PLCXD3: variants seen among roughly 807,000 people sequenced by gnomAD.
PLCXD3 encodes phosphatidylinositol specific phospholipase C X domain containing 3.
In PLCXD3, 19 loss-of-function variants were observed where a neutral mutation model predicts 25.5. The observed-to-expected ratio is 0.75, with a 90% CI of 0.52 to 1.09. PLCXD3 has a LOEUF of 1.09. Ranked by LOEUF, PLCXD3 falls within the 50% of genes least tolerant of loss-of-function variation. The pLI is 0.00. For synonymous variants in PLCXD3, 174 were observed against 137.6 expected (o/e 1.26, Z -1.85); for missense variants, 411 against 388.1 (o/e 1.06, Z -0.50).
chr5:41,358,926 G>A (rs529538438), intron 2 of PLCXD3, among the ~76,000 whole-genome samples: 1 of 152,196 alleles, frequency 6.6e-6, no homozygotes, highest in South Asian at 2.1e-4. Flanking sequence ...TCAATCATAA[G>A]GGATGCTGGA....
chr5:41,341,127 G>A (rs1374295312), intron 2 of PLCXD3, among the ~76,000 whole-genome samples: 1 of 152,130 alleles, frequency 6.6e-6, no homozygotes, highest in Non-Finnish European at 1.5e-5. Context: ...AGTATATCTA[G>A]TGGAATTCAG....
At chr5:41,355,248 T>C (rs879620517) in intron 2 of PLCXD3, among the ~76,000 whole-genome samples, 56 of 152,328 alleles carry the variant, frequency 3.7e-4, no homozygotes, top group Non-Finnish European at 8.8e-5. Context: ...TTACATAACA[T>C]ATCTCCTAAT....
At chr5:41,433,385 C>CT (rs915614652) in intron 1 of PLCXD3, among the ~76,000 whole-genome samples, 9 of 152,098 alleles carry the variant, frequency 5.9e-5, no homozygotes, top group African/African-American at 1.9e-4. Flanking sequence ...CCTCTTGCCC[C>CT]TTTTTTTTCT....
intron 1 of PLCXD3, among the ~76,000 whole-genome samples, chr5:41,472,883 C>T (rs1038889085): frequency 2.6e-5 from 4 of 151,936 alleles, no homozygotes; most frequent in Non-Finnish European, 5.9e-5. Flanking sequence ...ACTGTTTTAC[C>T]TCATATAAGG....
chr5:41,464,858 G>A (rs1004905799), intron 1 of PLCXD3, among the ~76,000 whole-genome samples: 1 of 151,798 alleles, frequency 6.6e-6, no homozygotes, highest in Admixed American at 6.6e-5. Flanking sequence ...ATATCTTTGT[G>A]TTGTGTTCTT....
rs768483762 is a variant in PLCXD3, at chr5:41,510,439, T to G, written c.88A>C (p.Asn30His). ...GCGCGCCTACCTGGAATGGCTAAAT[T>G]GGTGAGGGGGATGCTGTGCATGCTC... The part of the protein sequence containing the change: ...PESMHSIPLT[N>H]LAIPGSHDSF... The change falls in exon 1 of 3, where the codon AAT (asparagine) becomes CAT (histidine). Residue 30 changes from asparagine (N) to histidine (H), a missense_variant. Transcript: ENST00000377801. 6.2e-7 allele frequency: 1 copy of G among 1,608,358 alleles called. No individual in the cohort carries two copies. The highest frequency in any genetic ancestry group is 8.5e-7 in the Non-Finnish European group (1 of 1,177,380).
At chr5:41,474,739 T>C (rs1353577250) in intron 1 of PLCXD3, among the ~76,000 whole-genome samples, 2 of 152,198 alleles carry the variant, frequency 1.3e-5, no homozygotes, top group Non-Finnish European at 2.9e-5. Flanking sequence ...CACTACTACC[T>C]GAATTTCTCC....
intron 1 of PLCXD3, among the ~76,000 whole-genome samples, chr5:41,509,561 T>C (rs181761169): frequency 1.3e-5 from 2 of 152,352 alleles, no homozygotes; most frequent in Admixed American, 1.3e-4. Flanking sequence ...CCTCGCTTTG[T>C]CCACGCTTCT....
chr5:41,428,376 T>TTG (rs1188643385), intron 1 of PLCXD3, among the ~76,000 whole-genome samples: 1 of 115,888 alleles, frequency 8.6e-6, no homozygotes, highest in African/African-American at 3.4e-5. Flanking sequence ...TAAAATGAGT[T>TTG]TTTTTGTTTT....
intron 1 of PLCXD3, among the ~76,000 whole-genome samples, chr5:41,422,589 C>T (rs974505748): frequency 1.3e-5 from 2 of 152,090 alleles, no homozygotes; most frequent in Non-Finnish European, 1.5e-5. Flanking sequence ...AGAAAAATTG[C>T]GAGACAATTG....
At chr5:41,333,404 C>T (rs1255330715) in intron 2 of PLCXD3, among the ~76,000 whole-genome samples, 1 of 152,046 alleles carries the variant, frequency 6.6e-6, no homozygotes, top group Non-Finnish European at 1.5e-5. Context: ...GAAACTCTTG[C>T]CCAGAAGGTT....
intron 1 of PLCXD3, among the ~76,000 whole-genome samples, chr5:41,506,432 C>T (rs1478063805): frequency 6.6e-6 from 1 of 152,138 alleles, no homozygotes; most frequent in Non-Finnish European, 1.5e-5. Context: ...AATGTTGTTG[C>T]TTTTTTACTG....
intron 1 of PLCXD3, among the ~76,000 whole-genome samples, chr5:41,470,403 A>G (rs1748125951): frequency 6.6e-6 from 1 of 152,194 alleles, no homozygotes; most frequent in African/African-American, 2.4e-5. Context: ...GTTTAGAAGC[A>G]CCAAGTATCA....
intron 2 of PLCXD3, among the ~76,000 whole-genome samples, chr5:41,374,336 G>T (rs1460954): frequency 6.6e-6 from 1 of 152,076 alleles, no homozygotes; most frequent in African/African-American, 2.4e-5. Flanking sequence ...CCAAGTCCTA[G>T]GCTGGGAAAG....
intron 1 of PLCXD3, chr5:41,456,676 G>T: frequency 4.4e-6 from 1 of 229,568 alleles, no homozygotes; most frequent in Non-Finnish European, 7.2e-6. Flanking sequence ...GGTCCTGAAG[G>T]TGGAGCTCTT....
chr5:41,313,813 C>T (rs1743212415), intron 2 of PLCXD3, 43 bp from the exon 3 acceptor site: 4 of 1,521,818 alleles, frequency 2.6e-6, no homozygotes, highest in African/African-American at 1.4e-5. Flanking sequence ...AGGCAAGATA[C>T]TATTTTTCAA....
At chr5:41,366,685 T>C (rs1744946583) in intron 2 of PLCXD3, among the ~76,000 whole-genome samples, 1 of 152,212 alleles carries the variant, frequency 6.6e-6, no homozygotes, top group South Asian at 2.1e-4. Flanking sequence ...CAGGGCTCCA[T>C]GTGGAGGATG....
intron 1 of PLCXD3, among the ~76,000 whole-genome samples, chr5:41,445,816 C>T (rs1300329116): frequency 1.3e-5 from 2 of 152,008 alleles, no homozygotes; most frequent in Admixed American, 1.3e-4. Context: ...AACATCGTCC[C>T]TATGTTTTCT....
At position 41,435,089 on chromosome 5, in the gene PLCXD3, A is replaced by C. The variant is rs548660483; in HGVS notation, c.104-52555T>G. ...TAGAATTTTAGCTATTTTTCTTTGC[A>C]TACACATGTGCATCTATGTGTACAA... is the stretch of plus-strand genomic sequence containing the variant. On this transcript the variant is annotated intron_variant, in intron 1 of 2. Coordinates refer to ENST00000377801, the MANE Select transcript of PLCXD3 (RefSeq NM_001005473.3). 6.6e-5 allele frequency among the ~76,000 whole-genome samples: 10 copies of C among 152,340 alleles called. No individual in the cohort carries two copies. The South Asian group carries it at 1.2e-3, about 19-fold the overall frequency.
Sources: gnomAD v4.1 joint callset for allele counts (sites outside exome capture counted in the v4.1 genomes callset) on GRCh38, gnomAD v4.1.1 for gene constraint, MANE v1.5 for transcripts, NCBI Gene and HGNC (gene_info 2026-07-23, HGNC 2026-07-21) for gene names.